HDAC4: variants seen among roughly 807,000 people sequenced by gnomAD.
The protein encoded by HDAC4 is histone deacetylase A.
A neutral mutation model predicts 135.1 loss-of-function variants in HDAC4; 16 were observed. The observed-to-expected ratio is 0.12, with a 90% CI of 0.08 to 0.18. HDAC4 has a LOEUF of 0.18. Among genes scored for constraint, HDAC4 ranks in the 10% least tolerant of loss-of-function variants. HDAC4 has a pLI of 1.00. For synonymous variants in HDAC4, 685 were observed against 653.4 expected (o/e 1.05, Z -0.74); for missense variants, 1,143 against 1,511.8 (o/e 0.76, Z 4.05).
chr2:239,170,260 T>C (rs533966542), intron 5 of HDAC4, among the ~76,000 whole-genome samples: 1 of 152,236 alleles, frequency 6.6e-6, no homozygotes. Flanking sequence ...ATAGGCATAA[T>C]AATACAGTTT....
chr2:239,269,687 C>G (rs117557947), intron 2 of HDAC4, among the ~76,000 whole-genome samples: 59 of 152,270 alleles, frequency 3.9e-4, no homozygotes, highest in African/African-American at 1.4e-3. Flanking sequence ...ACCTCGTGGC[C>G]GGGACTGCCG....
intron 3 of HDAC4, among the ~76,000 whole-genome samples, chr2:239,197,791 C>T (rs2045488609): frequency 6.6e-6 from 1 of 150,496 alleles, no homozygotes. Flanking sequence ...TTCATATTTC[C>T]TAGATAAAAT....
At chr2:239,059,981 C>T (rs976106497) in intron 24 of HDAC4, among the ~76,000 whole-genome samples, 2 of 152,208 alleles carry the variant, frequency 1.3e-5, no homozygotes, top group Non-Finnish European at 2.9e-5. Context: ...TCGTAGTTCT[C>T]GAGAGTGACC....
chr2:239,287,166 A>G (rs2051186444), intron 2 of HDAC4, among the ~76,000 whole-genome samples: 1 of 152,210 alleles, frequency 6.6e-6, no homozygotes, highest in African/African-American at 2.4e-5. Flanking sequence ...CATGAACTGC[A>G]GCCGTGCCTG....
chr2:239,204,612 C>T (rs3791592), intron 3 of HDAC4, among the ~76,000 whole-genome samples: 11 of 152,182 alleles, frequency 7.2e-5, no homozygotes, highest in East Asian at 5.8e-4. Context: ...AAAGAGGGTC[C>T]GTGGAGGGCT....
intron 1 of HDAC4, among the ~76,000 whole-genome samples, chr2:239,393,530 T>C (rs1020851768): frequency 6.6e-6 from 1 of 152,164 alleles, no homozygotes; most frequent in Non-Finnish European, 1.5e-5. Flanking sequence ...GGCCACCATC[T>C]GGCCACAATG....
intron 12 of HDAC4, among the ~76,000 whole-genome samples, chr2:239,117,885 T>C (rs1388000633): frequency 1.3e-5 from 2 of 152,150 alleles, no homozygotes; most frequent in Non-Finnish European, 2.9e-5. Flanking sequence ...AGAAGGAAAC[T>C]GAGGTGTGCA....
At chr2:239,290,379 G>A (rs904607124) in intron 2 of HDAC4, among the ~76,000 whole-genome samples, 10 of 152,200 alleles carry the variant, frequency 6.6e-5, no homozygotes, top group African/African-American at 2.2e-4. Context: ...CACCAATGGC[G>A]TGAGGATGTC....
chr2:239,119,554 G>A (rs1032300052), intron 12 of HDAC4, among the ~76,000 whole-genome samples: 3 of 145,508 alleles, frequency 2.1e-5, no homozygotes, highest in Non-Finnish European at 4.4e-5. Context: ...AGAGCTAAGG[G>A]CTGAGGGCGC....
chr2:239,139,642 C>T lies in HDAC4; in HGVS notation c.978+42G>A, dbSNP rs367804945. Reference sequence around the variant, plus strand: ...ATTTCAAGCTCATCCGTCCCGAGTCCGACTCTAGCCGTAGGACACAGGACA... The same window carrying T: ...ATTTCAAGCTCATCCGTCCCGAGTCTGACTCTAGCCGTAGGACACAGGACA... On this transcript the variant is annotated intron_variant, in intron 9 of 26. Transcript: ENST00000543185. This position sits in a 1 kb window ranked among gnomAD's most constrained non-coding sequence, Gnocchi z 5.3. 36 of 1,555,514 alleles carry T rather than the reference C, an allele frequency of 2.3e-5. No individual in the cohort carries two copies. The highest frequency in any genetic ancestry group is 1.5e-4 in the African/African-American group (11 of 73,778).
At chr2:239,189,708 G>C (rs1234062838) in intron 4 of HDAC4, 125 bp downstream of exon 4, 22 of 866,388 alleles carry the variant, frequency 2.5e-5, no homozygotes, top group Non-Finnish European at 3.1e-5. Context: ...AACGCAGAAG[G>C]CCTCCTGCAG....
At chr2:239,093,945 A>C (rs2036751883) in intron 17 of HDAC4, 1 of 985,228 alleles carries the variant, frequency 1.0e-6, no homozygotes, top group African/African-American at 1.7e-5. Context: ...GGTATGAATA[A>C]ATGCCGTTTA....
At position 239,194,955 on chromosome 2, in the gene HDAC4, G is replaced by A. The variant is rs1045785276; in HGVS notation, c.95-4878C>T. 3.9e-5 allele frequency among the ~76,000 whole-genome samples: 6 copies of A among 152,194 alleles called. No individual in the cohort carries two copies. The East Asian group carries it at 1.2e-3, about 29-fold the overall frequency. ...CAGATCTGTGTCTCCAGCTCGGTGC[G>A]CGTCTCCCTACGGACATGGAAGAGT... is the stretch of plus-strand genomic sequence containing the variant. On this transcript the variant is annotated intron_variant, in intron 3 of 26. Coordinates refer to ENST00000543185, the MANE Select transcript of HDAC4 (RefSeq NM_001378414.1).
rs754530774 is a variant in HDAC4, at chr2:239,126,555, G to A, written c.1434C>T (p.Asn478=). 2.3e-5 allele frequency: 37 copies of A among 1,613,596 alleles called. No individual in the cohort carries two copies. Among genetic ancestry groups the A allele is most frequent in the South Asian group, 1.3e-4 (12 of 91,058 alleles). ...GRTQSAPLPQ[N]AQALQHLVIQ... ...TGACCAGGTGCTGCAGAGCCTGGGC[G>A]TTCTGGGGCAGCGGGGCCGACTGGG... Residue 478 remains asparagine (N), a synonymous_variant, in exon 12 of 27, where the codon AAC becomes AAT. Transcript: ENST00000543185.
chr2:239,343,746 T>C lies in HDAC4; in HGVS notation c.22+8932A>G, dbSNP rs377603938. On this transcript the variant is annotated intron_variant, in intron 2 of 26. Coordinates refer to ENST00000543185, the MANE Select transcript of HDAC4 (RefSeq NM_001378414.1). ...GCAGACAGGCTCAATGCCTCTCAGG[T>C]CCCAGGTGCCCAGTGTTCTGCCGCA... 7.9e-5 allele frequency among the ~76,000 whole-genome samples: 12 copies of C among 152,262 alleles called. No individual in the cohort carries two copies. The East Asian group carries it at 2.3e-3, about 29-fold the overall frequency.
chr2:239,171,743 A>G (rs998554679), intron 5 of HDAC4, among the ~76,000 whole-genome samples: 2 of 152,384 alleles, frequency 1.3e-5, no homozygotes, highest in African/African-American at 4.8e-5. Flanking sequence ...ACAAAATCTT[A>G]AAAATAGCTA....
Position 239,134,435 on chromosome 2 carries a change from C to G in HDAC4, c.1104G>C (p.Ala368=). 1 of 1,613,448 alleles carries G rather than the reference C, an allele frequency of 6.2e-7. No homozygotes were observed. The highest frequency in any genetic ancestry group is 1.3e-5 in the African/African-American group (1 of 75,032). The change falls in exon 11 of 27, where the codon GCG becomes GCC. Residue 368 remains alanine, a synonymous_variant. Coordinates refer to ENST00000543185, the MANE Select transcript of HDAC4 (RefSeq NM_001378414.1). The stretch of plus-strand genomic sequence containing the variant: ...TGAGTCTCTCGGCGTCCTGCTGGCC[C>G]GCCGTGCCCTGGAAAGCACAGCCAG... The part of the protein sequence containing the change: ...LPATGPSAGT[A]GQQDAERLTL...
chr2:239,366,454 G>A (rs140208845), intron 1 of HDAC4, among the ~76,000 whole-genome samples: 13 of 152,378 alleles, frequency 8.5e-5, no homozygotes, highest in African/African-American at 3.1e-4. Flanking sequence ...TTTTGCAGAT[G>A]CCTAGGTGTG....
intron 3 of HDAC4, among the ~76,000 whole-genome samples, chr2:239,203,277 C>A (rs1162126493): frequency 6.6e-6 from 1 of 152,212 alleles, no homozygotes; most frequent in Non-Finnish European, 1.5e-5. Flanking sequence ...ACAGGTGCAC[C>A]TGGGAAGAAT....
Sources: allele counts gnomAD v4.1 joint callset (sites outside exome capture counted in the v4.1 genomes callset), GRCh38; gene constraint gnomAD v4.1.1; non-coding constraint Gnocchi (gnomAD v3.1); transcripts MANE v1.5; gene names NCBI Gene and HGNC (gene_info 2026-07-23, HGNC 2026-07-21).